The following PCSK7 variants were observed in gnomAD, a reference collection of about 807,000 sequenced individuals.
PCSK7 encodes proprotein convertase subtilisin/kexin type 7.
PCSK7 carries 38 observed loss-of-function variants against 73.3 expected under a neutral mutation model. The ratio of observed to expected loss-of-function variants is 0.52; its 90% CI spans 0.40 to 0.68. PCSK7 has a LOEUF of 0.68. PCSK7 is among the 30% of genes least tolerant of loss of function. The pLI, the probability that PCSK7 is intolerant of heterozygous loss-of-function variation, is 0.00. For missense variants in PCSK7, 692 were observed against 991.5 expected (o/e 0.70, Z 4.06); for synonymous variants, 296 against 383.8 (o/e 0.77, Z 2.68).
Position 117,205,721 on chromosome 11 carries a change from G to A in PCSK7, c.*276C>T. On this transcript the variant is annotated 3_prime_UTR_variant, in exon 17 of 17. Coordinates refer to ENST00000320934, the MANE Select transcript of PCSK7 (RefSeq NM_004716.4). Reference sequence around the variant, plus strand: ...TAGGCAGCTGGCTTGGCCCAAGAGAGATGAGGATGGAGGCCAAACCAAAGG... The same window carrying A: ...TAGGCAGCTGGCTTGGCCCAAGAGAAATGAGGATGGAGGCCAAACCAAAGG... 1 of 352,848 alleles carries A rather than the reference G, an allele frequency of 2.8e-6. No individual in the cohort carries two copies. The highest frequency in any genetic ancestry group is 4.3e-5 in the East Asian group (1 of 23,388). The allele number at this position is 352,848 out of a possible 1,614,324, so 21.9% of individuals were successfully genotyped here.
In PCSK7 at chr11:117,230,918, G is replaced by A. The variant is rs60584868; in HGVS notation, c.-132-450C>T. Among the ~76,000 whole-genome samples the A allele has an allele frequency of 2.1e-3, 325 of 152,172 alleles. 2 individuals carry two copies. The highest frequency in any genetic ancestry group is 7.4e-3 in the African/African-American group (306 of 41,526). ...GACAAGCGGGCAACCAGGAGAGAAC[G>A]AATGATGAGAGAACCTCACTAAGCA... is the stretch of plus-strand genomic sequence containing the variant. On this transcript the variant is annotated intron_variant, in intron 1 of 16. Coordinates refer to ENST00000320934, the MANE Select transcript of PCSK7 (RefSeq NM_004716.4).
Position 117,225,999 on chromosome 11 carries a change from A to G in PCSK7, c.792T>C (p.Pro264=). The G allele has an allele frequency of 6.2e-7, 1 of 1,608,406 alleles. No individual in the cohort carries two copies. Among genetic ancestry groups the G allele is most frequent in the Admixed American group, 1.7e-5 (1 of 60,012 alleles). The change falls in exon 6 of 17, where the codon CCT becomes CCC. Residue 264 remains proline, a synonymous_variant. Coordinates refer to ENST00000320934, the MANE Select transcript of PCSK7 (RefSeq NM_004716.4). ...RIAGIRVLDG[P]LTDSMEAVAF... is the part of the protein sequence containing the mutation. ...CCACTGCCTCCATGCTGTCTGTGAG[A>G]GGTCCATCCAGTACCCGGATACCTA...
chr11:117,208,355 C>CTTT (rs758360770), intron 13 of PCSK7: 11 of 139,276 alleles, frequency 7.9e-5, no homozygotes, highest in African/African-American at 4.9e-4. Flanking sequence ...CTTTTTCTTT[C>CTTT]TTTTTTTTTT....
chr11:117,226,957 A>G, intron 5 of PCSK7, 200 bp downstream of exon 5: 1 of 487,968 alleles, frequency 2.0e-6, no homozygotes, highest in South Asian at 3.7e-5. Flanking sequence ...ATAGAAAAAC[A>G]TGTTTGAAAC....
Position 117,204,551 on chromosome 11 carries a change from C to T in PCSK7, c.*1446G>A, listed in dbSNP as rs1448128447. 6.0e-6 allele frequency: 5 copies of T among 830,962 alleles called. No homozygotes were observed. Among genetic ancestry groups the T allele is most frequent in the East Asian group, 2.7e-5 (1 of 36,936 alleles). 51.5% of individuals were successfully genotyped at this position (830,962 alleles called of 1,614,324 possible). A position where few individuals can be genotyped will look rare whatever the true frequency, so the allele number is the denominator to read the frequency against. On this transcript the variant is annotated 3_prime_UTR_variant, in exon 17 of 17. Transcript: ENST00000320934. ...CCCCAGCCTCAGCCCAACTTCTTAC[C>T]CGAAAGCATCACTGCCTTGGCCCCT...
chr11:117,219,048 C>G lies in PCSK7; in HGVS notation c.1431+9G>C. On this transcript the variant is annotated intron_variant, in intron 11 of 16. Coordinates refer to ENST00000320934, the MANE Select transcript of PCSK7 (RefSeq NM_004716.4). ...CACAGGGCACCCTGCCCTGCCAACA[C>G]CTGTTCACCTTGGCTGCATTCACGA... 1 of 1,596,974 alleles carries G rather than the reference C, an allele frequency of 6.3e-7. No individual in the cohort carries two copies. Among genetic ancestry groups the G allele is most frequent in the Non-Finnish European group, 8.5e-7 (1 of 1,171,014 alleles).
Position 117,224,758 on chromosome 11 carries a change from G to T in PCSK7, c.861-3C>A, listed in dbSNP as rs200211518. The T allele has an allele frequency of 1.9e-6, 3 of 1,612,350 alleles. No individual in the cohort carries two copies. Among genetic ancestry groups the T allele is most frequent in the Non-Finnish European group, 2.5e-6 (3 of 1,178,634 alleles). ...TCCCATCGTCATCTGGTCCCCAGCT[G>T]TTGAGAAATAAATACCTAGAGGGGA... On this transcript the variant is annotated splice_region_variant and splice_polypyrimidine_tract_variant and intron_variant, in intron 6 of 16. Coordinates refer to ENST00000320934, the MANE Select transcript of PCSK7 (RefSeq NM_004716.4).
intron 7 of PCSK7, 82 bp from the exon 8 acceptor site, chr11:117,224,298 C>G: frequency 1.4e-6 from 2 of 1,434,252 alleles, no homozygotes; most frequent in Non-Finnish European, 1.9e-6. Flanking sequence ...CCTCTCCACC[C>G]CTTCTAGAAA....
intron 12 of PCSK7, chr11:117,215,380 G>GTGTGTGTGTGTGTATATATATATATA (rs1164738557): frequency 1.8e-5 from 1 of 55,902 alleles, no homozygotes; most frequent in Non-Finnish European, 2.8e-5. Context: ...GTGTGTGTGT[G>GTGTGTGTGTGTGTATATATATATATA]TATATATATA....
rs1377016266 is a variant in PCSK7, at chr11:117,229,420, C to T, written c.425G>A (p.Ser142Asn). The T allele has an allele frequency of 6.2e-7, 1 of 1,609,246 alleles. No individual in the cohort carries two copies. Among genetic ancestry groups the T allele is most frequent in the African/African-American group, 1.3e-5 (1 of 75,078 alleles). ...EQRLLRRAKR[S>N]VHFNDPKYPQ... Reference sequence around the variant, plus strand: ...GTACTTGGGGTCGTTGAAGTGGACGCTGCGCTTGGCCCGCCTTAGCAGCCT... The same window carrying T: ...GTACTTGGGGTCGTTGAAGTGGACGTTGCGCTTGGCCCGCCTTAGCAGCCT... The change falls in exon 3 of 17, where the codon AGC becomes AAC. Residue 142 changes from serine (S) to asparagine (N), a missense_variant. This residue lies in a region of PCSK7 where 574 missense variants were observed against 689.8 expected (regional missense o/e 0.83). Coordinates refer to ENST00000320934, the MANE Select transcript of PCSK7 (RefSeq NM_004716.4).
intron 6 of PCSK7, chr11:117,225,653 G>C (rs920249415): frequency 8.8e-6 from 4 of 452,278 alleles, no homozygotes; most frequent in Non-Finnish European, 1.6e-5. Flanking sequence ...GGAGAAGAAA[G>C]CCCGCTTTCT....
intron 9 of PCSK7, chr11:117,222,802 A>G (rs2032254902): frequency 6.0e-6 from 1 of 165,380 alleles, no homozygotes; most frequent in Admixed American, 6.3e-5. Context: ...GCCCGCCACC[A>G]CACCAGGCTA....
chr11:117,228,765 C>A (rs979279421), intron 3 of PCSK7, among the ~76,000 whole-genome samples: 14 of 152,036 alleles, frequency 9.2e-5, no homozygotes, highest in Non-Finnish European at 2.1e-4. Flanking sequence ...CGACTACAGG[C>A]GCCTGCCACC....
chr11:117,223,503 C>A, intron 8 of PCSK7, 195 bp from the exon 9 acceptor site: 1 of 585,224 alleles, frequency 1.7e-6, no homozygotes. Context: ...AGAGGGCATT[C>A]TGTGCCGCAA....
Position 117,218,516 on chromosome 11 carries a change from T to A in PCSK7, c.1484A>T (p.Glu495Val). 1 of 1,611,244 alleles carries A rather than the reference T, an allele frequency of 6.2e-7. No individual in the cohort carries two copies. Among genetic ancestry groups the A allele is most frequent in the Non-Finnish European group, 8.5e-7 (1 of 1,178,652 alleles). ...GGGGGACTGCGGAATCGCCTTGTTT[T>A]CTTTTAACACGGGACTGACGTAGGA... ...LASYVSPVLKENKAIPQSPRS... is the reference protein window; with the variant it reads ...LASYVSPVLKVNKAIPQSPRS... The change falls in exon 12 of 17, where the codon GAA (glutamate) becomes GTA (valine). Residue 495 changes from glutamate (E) to valine (V), a missense_variant. Coordinates refer to ENST00000320934, the MANE Select transcript of PCSK7 (RefSeq NM_004716.4). The surrounding 1 kb of genome is among the most constrained non-coding windows in gnomAD (Gnocchi z 4.0).
At chr11:117,220,007 A>G (rs1484682212) in intron 9 of PCSK7, 4 of 341,318 alleles carry the variant, frequency 1.2e-5, no homozygotes, top group Non-Finnish European at 5.3e-6. Flanking sequence ...GGGGAAAGGT[A>G]CAGGGCTGGT....
rs769786963 is a variant in PCSK7 at position 117,204,440 on chromosome 11, C to T, written c.*1557G>A. The T allele has an allele frequency of 2.5e-6, 4 of 1,596,808 alleles. No individual in the cohort carries two copies. In the South Asian group the frequency reaches 4.5e-5, roughly 18 times the overall value. ...TCCCGCTTAGCCTGCCTCACCCACA[C>T]CCGTGTGGTACCTTCAGCCCTGGCC... On this transcript the variant is annotated 3_prime_UTR_variant, in exon 17 of 17. Coordinates refer to ENST00000320934, the MANE Select transcript of PCSK7 (RefSeq NM_004716.4).
chr11:117,227,610 T>C lies in PCSK7; in HGVS notation c.604-288A>G, dbSNP rs190911797. Reference sequence around the variant, plus strand: ...GGTGAGCGCCACCACACTTGGCTAATTTTTGTATTTTTAGTAGAGACGGGG... The same window carrying C: ...GGTGAGCGCCACCACACTTGGCTAACTTTTGTATTTTTAGTAGAGACGGGG... On this transcript the variant is annotated intron_variant, in intron 4 of 16. Transcript: ENST00000320934. Among the ~76,000 whole-genome samples, 24 of 152,250 alleles carry C rather than the reference T, an allele frequency of 1.6e-4. No individual in the cohort carries two copies. In the East Asian group the frequency reaches 4.4e-3, roughly 28 times the overall value.
rs762702954 is a variant in PCSK7 at position 117,218,655 on chromosome 11, C to T, written c.1432-87G>A. 13 of 721,766 alleles carry T rather than the reference C, an allele frequency of 1.8e-5. No individual in the cohort carries two copies. The highest frequency in any genetic ancestry group is 2.4e-4 in the Middle Eastern group (1 of 4,102). The allele number at this position is 721,766 out of a possible 1,614,324, so 44.7% of individuals were successfully genotyped here. A position where few individuals can be genotyped will look rare whatever the true frequency, so the allele number is the denominator to read the frequency against. ...ACAAACACACACGCCCTTGTCAATACGATCTTGAAGGTTTAGCTGTCTTTA... is the reference window on the plus strand; with the variant it reads ...ACAAACACACACGCCCTTGTCAATATGATCTTGAAGGTTTAGCTGTCTTTA... On this transcript the variant is annotated intron_variant, in intron 11 of 16. Transcript: ENST00000320934. The surrounding 1 kb of genome is among the most constrained non-coding windows in gnomAD (Gnocchi z 4.0).
Sources: allele counts gnomAD v4.1 joint callset (sites outside exome capture counted in the v4.1 genomes callset), GRCh38; gene constraint gnomAD v4.1.1; regional missense constraint gnomAD v4.1.1; non-coding constraint Gnocchi (gnomAD v3.1); transcripts MANE v1.5; gene names NCBI Gene and HGNC (gene_info 2026-07-23, HGNC 2026-07-21).